The following STAT4 variants were observed in gnomAD, a reference collection of about 807,000 sequenced individuals.
STAT4 encodes the protein signal transducer and activator of transcription 4.
STAT4 carries 42 observed loss-of-function variants against 110.5 expected under a neutral mutation model. The ratio of observed to expected loss-of-function variants is 0.38; its 90% CI spans 0.30 to 0.49. The LOEUF is 0.49. Among genes scored for constraint, STAT4 ranks in the 20% least tolerant of loss-of-function variants. The pLI is 0.95. For missense variants in STAT4, 632 were observed against 887.9 expected, an observed-to-expected ratio of 0.71 and a Z score of 3.66; for synonymous variants, 284 against 302.2, an observed-to-expected ratio of 0.94 and a Z score of 0.63.
At chr2:191,141,471 CACAT>C (rs1171274734) in intron 3 of STAT4, among the ~76,000 whole-genome samples, 1 of 101,508 alleles carries the variant, frequency 9.9e-6, no homozygotes, top group Non-Finnish European at 2.0e-5. Flanking sequence ...ATATGTATAT[CACAT>C]ACATACATAT....
chr2:191,143,882 C>A lies in STAT4; in HGVS notation c.273+2731G>T, dbSNP rs1168849419. ...CCTTCCCCGCAAAAAACACACACAA[C>A]TTAATGGGATTATAGTAGGTTAAAA... is the stretch of plus-strand genomic sequence containing the variant. On this transcript the variant is annotated intron_variant, in intron 3 of 23. Coordinates refer to ENST00000392320, the MANE Select transcript of STAT4 (RefSeq NM_003151.4). This position sits in a 1 kb window ranked among gnomAD's most constrained non-coding sequence, Gnocchi z 5.6. 1.3e-5 allele frequency among the ~76,000 whole-genome samples: 2 copies of A among 151,996 alleles called. No homozygotes were observed. Among genetic ancestry groups the A allele is most frequent in the East Asian group, 3.8e-4 (2 of 5,200 alleles).
intron 3 of STAT4, among the ~76,000 whole-genome samples, chr2:191,096,629 AAG>A (rs555820996): frequency 6.6e-5 from 10 of 152,300 alleles, no homozygotes; most frequent in African/African-American, 2.4e-4. Context: ...TCAAAATAAT[AAG>A]AGCTATTTAT....
chr2:191,066,660 T>A lies in STAT4; in HGVS notation c.545-145A>T, dbSNP rs533122111. On this transcript the variant is annotated intron_variant, in intron 6 of 23. Transcript: ENST00000392320. This position sits in a 1 kb window ranked among gnomAD's most constrained non-coding sequence, Gnocchi z 4.3. ...GGTTCACTAGAGGTGAGCTTGGAAG[T>A]CTGTCTGCTCATTTTGCCAGGGAGA... 1.3e-4 allele frequency: 80 copies of A among 620,728 alleles called. No homozygotes were observed. In the African/African-American group the frequency reaches 1.5e-3, roughly 11 times the overall value. The allele number at this position is 620,728 out of a possible 1,614,324, so 38.5% of individuals were successfully genotyped here.
rs779772586 is a variant in STAT4 at position 191,062,769 on chromosome 2, A to C, written c.934T>G (p.Phe312Val). 6.2e-7 allele frequency: 1 copy of C among 1,613,510 alleles called. No homozygotes were observed. Among genetic ancestry groups the C allele is most frequent in the Non-Finnish European group, 8.5e-7 (1 of 1,179,726 alleles). The stretch of plus-strand genomic sequence containing the variant: ...TGATAGCACTTCACTTACTTCTTGA[A>C]AAGGTTGTAGATCAAGAAGGTGACT... ...ERVTFLIYNLFKNSFVVERQP... is the reference protein window; with the variant it reads ...ERVTFLIYNLVKNSFVVERQP... The change falls in exon 9 of 24, where the codon TTC becomes GTC. Residue 312 changes from phenylalanine (F) to valine (V), a missense_variant. Phe to Val is a conservative substitution (Grantham distance 50, BLOSUM62 -1). Coordinates refer to ENST00000392320, the MANE Select transcript of STAT4 (RefSeq NM_003151.4). This position sits in a 1 kb window ranked among gnomAD's most constrained non-coding sequence, Gnocchi z 4.9.
rs1230894919 is a variant in STAT4, at chr2:191,107,749, A to G, written c.274-31424T>C. On this transcript the variant is annotated intron_variant, in intron 3 of 23. Transcript: ENST00000392320. The surrounding 1 kb of genome is among the most constrained non-coding windows in gnomAD (Gnocchi z 4.2). ...GACATAATTTATTTTTTCAACCCAG[A>G]TTACTACCATACCTTCCTGATGTCC... Among the ~76,000 whole-genome samples, 1 of 152,200 alleles carries G rather than the reference A, an allele frequency of 6.6e-6. No individual in the cohort carries two copies. The highest frequency in any genetic ancestry group is 1.5e-5 in the Non-Finnish European group (1 of 68,042).
chr2:191,067,744 A>G (rs1271201170), intron 6 of STAT4, among the ~76,000 whole-genome samples: 2 of 152,114 alleles, frequency 1.3e-5, no homozygotes, highest in African/African-American at 4.8e-5. Flanking sequence ...TCTACATTTT[A>G]TTAGTCCATA....
intron 3 of STAT4, among the ~76,000 whole-genome samples, chr2:191,124,448 C>T (rs371026940): frequency 2.0e-5 from 2 of 97,674 alleles, no homozygotes; most frequent in African/African-American, 4.5e-5. Context: ...AGTGAGACGC[C>T]GTCTCAAAAA....
At chr2:191,063,246 T>A (rs535713377) in intron 8 of STAT4, among the ~76,000 whole-genome samples, 75 of 152,162 alleles carry the variant, frequency 4.9e-4, no homozygotes, top group Non-Finnish European at 1.0e-3. Context: ...TAAGCATCTA[T>A]ATGTTAAAAA....
intron 3 of STAT4, among the ~76,000 whole-genome samples, chr2:191,121,346 T>C: frequency 6.6e-6 from 1 of 152,190 alleles, no homozygotes; most frequent in Non-Finnish European, 1.5e-5. Flanking sequence ...AGTTCAACCA[T>C]TGTGGAAGAC....
At chr2:191,133,193 TTAA>T (rs1273745387) in intron 3 of STAT4, among the ~76,000 whole-genome samples, 1 of 151,112 alleles carries the variant, frequency 6.6e-6, no homozygotes, top group Non-Finnish European at 1.5e-5. Context: ...AAAATATATA[TTAA>T]TAATATGGTT....
At chr2:191,068,195 A>T (rs1697046814) in intron 6 of STAT4, 1 of 152,204 alleles carries the variant, frequency 6.6e-6, no homozygotes, top group Non-Finnish European at 1.5e-5. Flanking sequence ...CATAATGGAC[A>T]TGAAGCACTG....
chr2:191,128,111 A>G (rs1405201080), intron 3 of STAT4, among the ~76,000 whole-genome samples: 1 of 86,448 alleles, frequency 1.2e-5, no homozygotes. Flanking sequence ...CTTTCGAAAT[A>G]TGAGTGTTAT....
rs1327317548 is a variant in STAT4, at chr2:191,077,185, G to A, written c.274-860C>T. ...TGCAGATACTGTAAATTGGCAGCCT[G>A]TGGGCCTAATTCAGCCATCAGTTAC... On this transcript the variant is annotated intron_variant, in intron 3 of 23. Coordinates refer to ENST00000392320, the MANE Select transcript of STAT4 (RefSeq NM_003151.4). The surrounding 1 kb of genome is among the most constrained non-coding windows in gnomAD (Gnocchi z 4.1). Among the ~76,000 whole-genome samples the A allele has an allele frequency of 1.3e-5, 2 of 152,200 alleles. No individual in the cohort carries two copies. Among genetic ancestry groups the A allele is most frequent in the Non-Finnish European group, 2.9e-5 (2 of 68,040 alleles).
At chr2:191,108,921 A>G (rs1417407611) in intron 3 of STAT4, among the ~76,000 whole-genome samples, 2 of 152,246 alleles carry the variant, frequency 1.3e-5, no homozygotes, top group Non-Finnish European at 2.9e-5. Context: ...TTTCTGAAAA[A>G]TAAAACTGTT....
At position 191,060,859 on chromosome 2, in the gene STAT4, TA is replaced by T. The variant is rs1333107526; in HGVS notation, c.1034+869del. ...AAACCGAAGACAAATGCCTTCTCTT[TA>T]AAAATGGAGTTCCAATAGTGATATG... On this transcript the variant is annotated intron_variant, in intron 10 of 23. Coordinates refer to ENST00000392320, the MANE Select transcript of STAT4 (RefSeq NM_003151.4). This position sits in a 1 kb window ranked among gnomAD's most constrained non-coding sequence, Gnocchi z 4.5. Among the ~76,000 whole-genome samples the T allele has an allele frequency of 6.6e-6, 1 of 152,210 alleles. No individual in the cohort carries two copies. Among genetic ancestry groups the T allele is most frequent in the Non-Finnish European group, 1.5e-5 (1 of 68,032 alleles).
chr2:191,096,990 A>G (rs138681889), intron 3 of STAT4, among the ~76,000 whole-genome samples: 2,296 of 152,288 alleles, frequency 0.015, 42 homozygotes, highest in African/African-American at 0.045. Context: ...ACAAACAGAG[A>G]GCCAAATCAT....
chr2:191,034,880 G>T (rs1185294528), intron 17 of STAT4, among the ~76,000 whole-genome samples: 2 of 152,188 alleles, frequency 1.3e-5, no homozygotes, highest in African/African-American at 4.8e-5. Flanking sequence ...AATTGTCAGA[G>T]GAGATGAAGG....
chr2:191,113,653 A>G lies in STAT4; in HGVS notation c.273+32960T>C, dbSNP rs1166841767. Among the ~76,000 whole-genome samples the G allele has an allele frequency of 2.0e-5, 3 of 152,238 alleles. No individual in the cohort carries two copies. The highest frequency in any genetic ancestry group is 4.8e-5 in the African/African-American group (2 of 41,458). On this transcript the variant is annotated intron_variant, in intron 3 of 23. Coordinates refer to ENST00000392320, the MANE Select transcript of STAT4 (RefSeq NM_003151.4). The surrounding 1 kb of genome is among the most constrained non-coding windows in gnomAD (Gnocchi z 4.8). ...TGTCATCATGCGGAAGAAAGATTAA[A>G]AAGGTTAAAGATGAAATTTAGAGAG...
At position 191,037,592 on chromosome 2, in the gene STAT4, G is replaced by A. The variant is rs1696078986; in HGVS notation, c.1435-1293C>T. On this transcript the variant is annotated intron_variant, in intron 16 of 23. Transcript: ENST00000392320. The surrounding 1 kb of genome is among the most constrained non-coding windows in gnomAD (Gnocchi z 4.8). ...ACTCAAGAAACATGTTTCAAGAAGA[G>A]GAAAGGAAGAATTCAGAAATCCAGT... Among the ~76,000 whole-genome samples the A allele has an allele frequency of 6.6e-6, 1 of 152,202 alleles. No homozygotes were observed. Among genetic ancestry groups the A allele is most frequent in the South Asian group, 2.1e-4 (1 of 4,836 alleles).
Sources: allele counts gnomAD v4.1 joint callset (sites outside exome capture counted in the v4.1 genomes callset), GRCh38; gene constraint gnomAD v4.1.1; non-coding constraint Gnocchi (gnomAD v3.1); transcripts MANE v1.5; gene names NCBI Gene and HGNC (gene_info 2026-07-23, HGNC 2026-07-21).